The following LRFN2 variants were observed in gnomAD, a reference collection of about 807,000 sequenced individuals.
LRFN2 encodes the protein leucine-rich repeat and fibronectin type-III domain-containing protein 2.
LRFN2 carries 18 observed loss-of-function variants against 37.3 expected under a neutral mutation model. The observed-to-expected ratio is 0.48, with a 90% CI of 0.33 to 0.72. The LOEUF (loss-of-function observed/expected upper bound fraction) is 0.72. LRFN2 is among the 30% of genes least tolerant of loss of function. LRFN2 has a pLI of 0.02. For missense variants in LRFN2, 1,006 were observed against 1,060.7 expected, an observed-to-expected ratio of 0.95 and a Z score of 0.72; for synonymous variants, 556 against 466.6, an observed-to-expected ratio of 1.19 and a Z score of -2.47.
At chr6:40,586,196 C>G (rs903670786) in intron 1 of LRFN2, among the ~76,000 whole-genome samples, 1 of 152,172 alleles carries the variant, frequency 6.6e-6, no homozygotes, top group Admixed American at 6.5e-5. Context: ...CTGTCCACCT[C>G]GGAACGGTCT....
Position 40,433,124 on chromosome 6 carries a change from C to T in LRFN2, c.-11G>A. The T allele has an allele frequency of 6.6e-7, 1 of 1,516,530 alleles. No individual in the cohort carries two copies. The highest frequency in any genetic ancestry group is 8.8e-7 in the Non-Finnish European group (1 of 1,133,764). The allele number at this position is 1,516,530 out of a possible 1,614,324, so 93.9% of individuals were successfully genotyped here. Reference sequence around the variant, plus strand: ...AAGCAGGGTCTCCATGGTCTGGTCACTCAGCGCCTGGAAGGGAGAAACACA... The same window carrying T: ...AAGCAGGGTCTCCATGGTCTGGTCATTCAGCGCCTGGAAGGGAGAAACACA... On this transcript the variant is annotated 5_prime_UTR_variant, in exon 2 of 3. It adds an upstream start codon to the 5' untranslated region. Coordinates refer to ENST00000338305, the MANE Select transcript of LRFN2 (RefSeq NM_020737.3).
At chr6:40,565,574 A>G (rs1767072591) in intron 1 of LRFN2, among the ~76,000 whole-genome samples, 2 of 152,222 alleles carry the variant, frequency 1.3e-5, no homozygotes, top group Admixed American at 6.5e-5. Flanking sequence ...CCTCAGAAAT[A>G]TTGCCACCTA....
chr6:40,532,740 C>T (rs947067905), intron 1 of LRFN2, among the ~76,000 whole-genome samples: 2 of 152,202 alleles, frequency 1.3e-5, no homozygotes, highest in South Asian at 4.1e-4. Context: ...TTATAACAGC[C>T]TGACTTTTAT....
At chr6:40,442,951 G>C (rs1763874944) in intron 1 of LRFN2, among the ~76,000 whole-genome samples, 1 of 152,196 alleles carries the variant, frequency 6.6e-6, no homozygotes, top group African/African-American at 2.4e-5. Context: ...ACCCTGCCCT[G>C]TTATTATGTG....
intron 1 of LRFN2, among the ~76,000 whole-genome samples, chr6:40,546,559 T>C (rs968315133): frequency 1.3e-5 from 2 of 152,174 alleles, no homozygotes; most frequent in Non-Finnish European, 2.9e-5. Context: ...TAACCAACTC[T>C]CATGAATCAG....
At chr6:40,425,748 G>A (rs1763339495) in intron 2 of LRFN2, among the ~76,000 whole-genome samples, 1 of 152,244 alleles carries the variant, frequency 6.6e-6, no homozygotes, top group Non-Finnish European at 1.5e-5. Flanking sequence ...TGCCTGCAGG[G>A]CTCAGCTGTG....
chr6:40,565,174 C>T (rs1291632420), intron 1 of LRFN2, among the ~76,000 whole-genome samples: 2 of 152,132 alleles, frequency 1.3e-5, no homozygotes, highest in Non-Finnish European at 2.9e-5. Context: ...ATCCAACTTA[C>T]AAGGGATGTG....
chr6:40,570,833 A>T (rs537414665), intron 1 of LRFN2, among the ~76,000 whole-genome samples: 1 of 152,398 alleles, frequency 6.6e-6, no homozygotes, highest in Admixed American at 6.5e-5. Flanking sequence ...GTAAATGTTC[A>T]TGGTTCCCTC....
At chr6:40,421,851 T>C (rs1212161523) in intron 2 of LRFN2, among the ~76,000 whole-genome samples, 4 of 152,234 alleles carry the variant, frequency 2.6e-5, no homozygotes, top group African/African-American at 9.6e-5. Flanking sequence ...AAAAGTCAGA[T>C]TTCTGCTACT....
At chr6:40,532,363 T>C (rs1169709824) in intron 1 of LRFN2, among the ~76,000 whole-genome samples, 1 of 152,244 alleles carries the variant, frequency 6.6e-6, no homozygotes, top group African/African-American at 2.4e-5. Flanking sequence ...CTAATAGCTA[T>C]TTGTTTTATA....
At chr6:40,554,618 AC>A (rs2113924902) in intron 1 of LRFN2, among the ~76,000 whole-genome samples, 1 of 152,242 alleles carries the variant, frequency 6.6e-6, no homozygotes, top group Admixed American at 6.5e-5. Context: ...TCTCCAGGCC[AC>A]CCCTTCATAT....
intron 1 of LRFN2, among the ~76,000 whole-genome samples, chr6:40,561,997 G>T (rs1767003353): frequency 6.6e-6 from 1 of 152,196 alleles, no homozygotes; most frequent in Admixed American, 6.5e-5. Flanking sequence ...CTCATAGCAG[G>T]TATTCTAGAA....
intron 1 of LRFN2, among the ~76,000 whole-genome samples, chr6:40,479,040 A>C (rs191668821): frequency 1.8e-4 from 27 of 152,346 alleles, no homozygotes; most frequent in African/African-American, 6.0e-4. Context: ...GTCTGGCTTA[A>C]AACCAAGTTC....
At chr6:40,435,056 G>T (rs867069365) in intron 1 of LRFN2, among the ~76,000 whole-genome samples, 3,330 of 71,320 alleles carry the variant, frequency 0.047, 23 homozygotes, top group Non-Finnish European at 0.06. Context: ...TATATATAGA[G>T]AGAGAGAGAG....
chr6:40,578,231 G>A (rs1409460801), intron 1 of LRFN2, among the ~76,000 whole-genome samples: 6 of 152,158 alleles, frequency 3.9e-5, no homozygotes, highest in Non-Finnish European at 5.9e-5. Context: ...AGTTATGCAA[G>A]CCTGGAATGA....
At chr6:40,578,681 T>C (rs762563120) in intron 1 of LRFN2, among the ~76,000 whole-genome samples, 4 of 152,212 alleles carry the variant, frequency 2.6e-5, no homozygotes, top group Non-Finnish European at 5.9e-5. Context: ...CTACTACCAC[T>C]AATAGCTCAC....
intron 1 of LRFN2, among the ~76,000 whole-genome samples, chr6:40,584,681 C>T (rs919268309): frequency 2.0e-5 from 3 of 152,108 alleles, no homozygotes; most frequent in African/African-American, 7.2e-5. Flanking sequence ...CTCCACTGTC[C>T]CTGGGTAGAC....
In LRFN2 at chr6:40,432,987, G is replaced by A; in HGVS notation, c.127C>T (p.Leu43=). The part of the protein sequence containing the change: ...SLGTLCPSKG[L]LFVPPDIDRR... ...TCAATATCAGGGGGTACAAAGAGCA[G>A]CCCCTTGGAGGGGCACAGGGTCCCC... Residue 43 remains leucine (L), a synonymous_variant, in exon 2 of 3, where the codon CTG becomes TTG. Coordinates refer to ENST00000338305, the MANE Select transcript of LRFN2 (RefSeq NM_020737.3). 6.2e-7 allele frequency: 1 copy of A among 1,611,918 alleles called. No homozygotes were observed. Among genetic ancestry groups the A allele is most frequent in the Non-Finnish European group, 8.5e-7 (1 of 1,178,662 alleles).
At chr6:40,577,108 C>CTTCTCTTCT (rs1554145947) in intron 1 of LRFN2, among the ~76,000 whole-genome samples, 1 of 104,580 alleles carries the variant, frequency 9.6e-6, no homozygotes, top group Non-Finnish European at 2.0e-5. Flanking sequence ...CTTTTCCTTT[C>CTTCTCTTCT]TTTTCTTTTT....
Sources: gnomAD v4.1 joint callset for allele counts (sites outside exome capture counted in the v4.1 genomes callset) on GRCh38, gnomAD v4.1.1 for gene constraint, MANE v1.5 for transcripts, NCBI Gene and HGNC (gene_info 2026-07-23, HGNC 2026-07-21) for gene names.